EIF2AK4: variants seen among roughly 807,000 people sequenced by gnomAD.
The protein encoded by EIF2AK4 is eukaryotic translation initiation factor 2 alpha kinase 4.
In EIF2AK4, 139 loss-of-function variants were observed where a neutral mutation model predicts 211.1. The observed-to-expected ratio is 0.66, with a 90% CI of 0.57 to 0.76. EIF2AK4 has a LOEUF of 0.76. Among genes scored for constraint, EIF2AK4 ranks in the 30% least tolerant of loss-of-function variants. The pLI is 0.00. For synonymous variants in EIF2AK4, 710 were observed against 751.3 expected, an observed-to-expected ratio of 0.94 and a Z score of 0.90; for missense variants, 1,664 against 2,043.8, an observed-to-expected ratio of 0.81 and a Z score of 3.58.
chr15:39,973,963 C>T (rs1402434796), intron 11 of EIF2AK4: 13 of 430,916 alleles, frequency 3.0e-5, no homozygotes, highest in Non-Finnish European at 4.9e-5. Context: ...TTCCTTGCTT[C>T]ATGTGGAGCA....
At chr15:39,954,978 C>G (rs1323399838) in intron 5 of EIF2AK4, among the ~76,000 whole-genome samples, 1 of 152,176 alleles carries the variant, frequency 6.6e-6, no homozygotes, top group Non-Finnish European at 1.5e-5. Flanking sequence ...ACTGATAATG[C>G]CTTTCTTTCT....
chr15:39,956,922 A>G (rs894032413), intron 6 of EIF2AK4, among the ~76,000 whole-genome samples: 1 of 152,238 alleles, frequency 6.6e-6, no homozygotes, highest in African/African-American at 2.4e-5. Flanking sequence ...ATTATCTACT[A>G]CTAAAAAAAC....
chr15:39,976,635 A>G lies in EIF2AK4; in HGVS notation c.2040A>G (p.Arg680=), dbSNP rs2140918579. 6.2e-7 allele frequency: 1 copy of G among 1,605,266 alleles called. No homozygotes were observed. Among genetic ancestry groups the G allele is most frequent in the Non-Finnish European group, 8.5e-7 (1 of 1,177,046 alleles). The part of the protein sequence containing the change: ...PDSGPLAKDD[R]AARGQPASDT... ...CCGGGCCCCTGGCCAAGGATGACCG[A>G]GCTGCACGCGGGCAGCCGGCGAGCG... The change falls in exon 12 of 39, where the codon CGA becomes CGG. Residue 680 remains arginine, a synonymous_variant. Transcript: ENST00000263791.
chr15:39,948,596 G>T (rs1231416431), intron 3 of EIF2AK4, among the ~76,000 whole-genome samples: 2 of 152,178 alleles, frequency 1.3e-5, no homozygotes, highest in Non-Finnish European at 2.9e-5. Flanking sequence ...TTATTGACCA[G>T]TTACTAACAA....
intron 18 of EIF2AK4, 33 bp from the exon 19 acceptor site, chr15:39,996,931 G>T (rs755843671): frequency 7.1e-7 from 1 of 1,414,304 alleles, no homozygotes; most frequent in Admixed American, 1.7e-5. Flanking sequence ...TTCATATCAA[G>T]GCTCTCTAAA....
At chr15:39,953,849 A>G (rs1396087103) in intron 4 of EIF2AK4, 55 bp from the exon 5 acceptor site, 38 of 1,532,958 alleles carry the variant, frequency 2.5e-5, no homozygotes, top group Non-Finnish European at 3.4e-5. Context: ...TCCATAATTT[A>G]TATGTTGTAT....
At chr15:40,027,040 A>C (rs1202820545) in intron 33 of EIF2AK4, among the ~76,000 whole-genome samples, 1 of 152,236 alleles carries the variant, frequency 6.6e-6, no homozygotes, top group African/African-American at 2.4e-5. Context: ...TAAATATTAA[A>C]ACATAAACAT....
At position 39,948,472 on chromosome 15, in the gene EIF2AK4, G is replaced by C. The variant is rs1047385268; in HGVS notation, c.361-644G>C. Among the ~76,000 whole-genome samples, 6 of 152,284 alleles carry C rather than the reference G, an allele frequency of 3.9e-5. No individual in the cohort carries two copies. The South Asian group carries it at 1.2e-3, about 32-fold the overall frequency. ...TGTCTCCTGCGGGTAAGGGAAAGGG[G>C]CTTCCTGTGTTCACATAAAGAATGT... On this transcript the variant is annotated intron_variant, in intron 3 of 38. Transcript: ENST00000263791.
intron 16 of EIF2AK4, chr15:39,991,223 G>C (rs897735835): frequency 1.3e-5 from 2 of 152,584 alleles, no homozygotes; most frequent in Non-Finnish European, 2.9e-5. Context: ...GGAGTGGAAA[G>C]GGAGGAGAGG....
At chr15:39,995,458 T>C (rs915595574) in intron 18 of EIF2AK4, among the ~76,000 whole-genome samples, 1 of 152,188 alleles carries the variant, frequency 6.6e-6, no homozygotes, top group Non-Finnish European at 1.5e-5. Flanking sequence ...GTGCAGTCTT[T>C]TCCTCGGCAG....
chr15:39,964,682 A>AT (rs1421340157), intron 7 of EIF2AK4, among the ~76,000 whole-genome samples: 3 of 152,308 alleles, frequency 2.0e-5, no homozygotes, highest in African/African-American at 7.2e-5. Flanking sequence ...TCCTTTTCCA[A>AT]TTTTTTAGAA....
rs201698913 is a variant in EIF2AK4 at position 39,976,809 on chromosome 15, G to C, written c.2214G>C (p.Glu738Asp). 28 of 1,484,188 alleles carry C rather than the reference G, an allele frequency of 1.9e-5. No homozygotes were observed. The highest frequency in any genetic ancestry group is 7.9e-5 in the South Asian group (6 of 76,298). The allele number at this position is 1,484,188 out of a possible 1,614,324, so 91.9% of individuals were successfully genotyped here. ...CCAGCGATGACGAGGACGACGACGA[G>C]GACGAGCACGGTGGCGTCTTCTCCC... The part of the protein sequence containing the change: ...PGSSDDEDDD[E>D]DEHGGVFSQS... The change falls in exon 12 of 39, where the codon GAG (glutamate) becomes GAC (aspartate). Residue 738 changes from glutamate (E) to aspartate (D), a missense_variant. Physicochemically the swap from Glu to Asp is conservative, Grantham distance 45. This residue lies in a region of EIF2AK4 where 206 missense variants were observed against 201.9 expected (regional missense o/e 1.02). Coordinates refer to ENST00000263791, the MANE Select transcript of EIF2AK4 (RefSeq NM_001013703.4).
intron 18 of EIF2AK4, among the ~76,000 whole-genome samples, chr15:39,995,850 A>T (rs966516693): frequency 2.0e-5 from 3 of 152,178 alleles, no homozygotes; most frequent in South Asian, 2.1e-4. Flanking sequence ...CCTGGTTTCC[A>T]TTTTTTGTGT....
At position 39,967,570 on chromosome 15, in the gene EIF2AK4, A is replaced by G. The variant is rs748090367; in HGVS notation, c.1244A>G (p.Tyr415Cys). 2 of 1,613,728 alleles carry G rather than the reference A, an allele frequency of 1.2e-6. No homozygotes were observed. The highest frequency in any genetic ancestry group is 1.7e-6 in the Non-Finnish European group (2 of 1,179,826). Reference sequence around the variant, plus strand: ...GCTCAGCTCCTGTCAGGCCTTGATTATCTGCACAGCAATTCTGTGGTGCAT... The same window carrying G: ...GCTCAGCTCCTGTCAGGCCTTGATTGTCTGCACAGCAATTCTGTGGTGCAT... ...YTAQLLSGLD[Y>C]LHSNSVVHKV... Residue 415 changes from tyrosine (Y) to cysteine (C), a missense_variant, in exon 9 of 39, where the codon TAT (tyrosine) becomes TGT (cysteine). Tyr to Cys is a radical substitution (Grantham distance 194). Coordinates refer to ENST00000263791, the MANE Select transcript of EIF2AK4 (RefSeq NM_001013703.4).
intron 3 of EIF2AK4, 101 bp downstream of exon 3, chr15:39,943,586 A>C: frequency 1.1e-6 from 1 of 885,546 alleles, no homozygotes. Flanking sequence ...TTGGTTCTAC[A>C]AAAGGGAACA....
rs376877634 is a variant in EIF2AK4 at position 39,972,904 on chromosome 15, C to G, written c.1554-4C>G. 6.2e-7 allele frequency: 1 copy of G among 1,612,552 alleles called. No homozygotes were observed. Among genetic ancestry groups the G allele is most frequent in the Non-Finnish European group, 8.5e-7 (1 of 1,178,896 alleles). The stretch of plus-strand genomic sequence containing the variant: ...GCTAAGATTCTTCCTTCCCTCTCAC[C>G]GAGATGTGTGTGCTTGGATGACAAG... On this transcript the variant is annotated splice_polypyrimidine_tract_variant and splice_region_variant and intron_variant, in intron 9 of 38. Transcript: ENST00000263791.
Position 40,032,737 on chromosome 15 carries a change from AC to A in EIF2AK4, c.4729-19del. 1 of 1,611,436 alleles carries A rather than the reference AC, an allele frequency of 6.2e-7. No individual in the cohort carries two copies. The highest frequency in any genetic ancestry group is 8.5e-7 in the Non-Finnish European group (1 of 1,178,266). On this transcript the variant is annotated intron_variant, in intron 36 of 38. Transcript: ENST00000263791. ...GTATTGTGCTGCTGAGAGTTGATGT[AC>A]ATTTGTGTGTATTCACAGGTGGATC... is the stretch of plus-strand genomic sequence containing the variant.
intron 27 of EIF2AK4, among the ~76,000 whole-genome samples, chr15:40,011,571 C>T (rs375067759): frequency 2.0e-5 from 3 of 152,160 alleles, no homozygotes; most frequent in Non-Finnish European, 4.4e-5. Context: ...CTTCTTGATA[C>T]GCTGTAATCA....
In EIF2AK4 at chr15:39,950,048, T is replaced by G. The variant is rs181773142; in HGVS notation, c.513+780T>G. Reference sequence around the variant, plus strand: ...TAAATTTTTTATTTGTTTTTTCTATTTAGCACTTTAATCAACTTATCTAGA... The same window carrying G: ...TAAATTTTTTATTTGTTTTTTCTATGTAGCACTTTAATCAACTTATCTAGA... On this transcript the variant is annotated intron_variant, in intron 4 of 38. Transcript: ENST00000263791. Among the ~76,000 whole-genome samples the G allele has an allele frequency of 2.2e-3, 336 of 152,190 alleles. 3 individuals carry two copies. Among genetic ancestry groups the G allele is most frequent in the African/African-American group, 7.7e-3 (321 of 41,572 alleles).
Sources: gnomAD v4.1 joint callset for allele counts (sites outside exome capture counted in the v4.1 genomes callset) on GRCh38, gnomAD v4.1.1 for gene constraint, gnomAD v4.1.1 regional missense constraint, MANE v1.5 for transcripts, NCBI Gene and HGNC (gene_info 2026-07-23, HGNC 2026-07-21) for gene names.